Variants in EPB41L3 observed in about 807,000 individuals in gnomAD.
EPB41L3 encodes the protein erythrocyte membrane protein band 4.1 like 3.
EPB41L3 carries 57 observed loss-of-function variants against 127.1 expected under a neutral mutation model. The ratio of observed to expected loss-of-function variants is 0.45; its 90% CI spans 0.36 to 0.56. The LOEUF (loss-of-function observed/expected upper bound fraction) is 0.56, where lower values mean the gene tolerates loss of function less well. Among genes scored for constraint, EPB41L3 ranks in the 20% least tolerant of loss-of-function variants. The pLI is 0.00. For missense variants in EPB41L3, 1,273 were observed against 1,372.2 expected (o/e 0.93, Z 1.14); for synonymous variants, 572 against 549.5 (o/e 1.04, Z -0.57).
intron 3 of EPB41L3, among the ~76,000 whole-genome samples, chr18:5,592,226 G>A (rs1402520112): frequency 6.6e-6 from 1 of 152,140 alleles, no homozygotes; most frequent in Non-Finnish European, 1.5e-5. Flanking sequence ...GAGTGCAGTG[G>A]CATGATCTTG....
chr18:5,402,677 G>C (rs886881317), intron 16 of EPB41L3, among the ~76,000 whole-genome samples: 16 of 152,060 alleles, frequency 1.1e-4, no homozygotes, highest in Admixed American at 1.0e-3. Context: ...TAAAGAAAAG[G>C]TGATCTAAAA....
At chr18:5,443,180 G>A (rs1295392398) in intron 5 of EPB41L3, among the ~76,000 whole-genome samples, 1 of 152,074 alleles carries the variant, frequency 6.6e-6, no homozygotes, top group Non-Finnish European at 1.5e-5. Flanking sequence ...ATTGACAATT[G>A]CCCTCTGAAA....
At chr18:5,591,431 G>C (rs2094485040) in intron 3 of EPB41L3, among the ~76,000 whole-genome samples, 1 of 152,144 alleles carries the variant, frequency 6.6e-6, no homozygotes, top group Non-Finnish European at 1.5e-5. Flanking sequence ...CAAGGGGTGA[G>C]GGGGTTCCCT....
At chr18:5,600,334 A>G (rs937294068) in intron 3 of EPB41L3, among the ~76,000 whole-genome samples, 28 of 152,352 alleles carry the variant, frequency 1.8e-4, no homozygotes, top group Admixed American at 1.4e-3. Context: ...ATTTGGACAC[A>G]TAAGAGATGT....
chr18:5,595,034 C>T (rs184296387), intron 3 of EPB41L3, among the ~76,000 whole-genome samples: 101 of 152,228 alleles, frequency 6.6e-4, no homozygotes, highest in African/African-American at 2.4e-3. Flanking sequence ...GCAATGTATT[C>T]ATTGTTAGAT....
chr18:5,394,872 T>A, intron 21 of EPB41L3, 79 bp from the exon 22 acceptor site: 1 of 1,356,104 alleles, frequency 7.4e-7, no homozygotes, highest in Non-Finnish European at 1.0e-6. Flanking sequence ...TGGAGACTTA[T>A]GAGCTAGATC....
At chr18:5,571,852 T>G (rs1316465061) in intron 3 of EPB41L3, among the ~76,000 whole-genome samples, 1 of 152,194 alleles carries the variant, frequency 6.6e-6, no homozygotes, top group Non-Finnish European at 1.5e-5. Context: ...AGACTCTGGG[T>G]TGGATAATTC....
chr18:5,517,962 G>C (rs1006477979), intron 1 of EPB41L3, among the ~76,000 whole-genome samples: 10 of 152,120 alleles, frequency 6.6e-5, no homozygotes, highest in Non-Finnish European at 1.5e-4. Flanking sequence ...CTCAGTCTTT[G>C]AAGAGCTTAA....
In EPB41L3 at chr18:5,488,582, G is replaced by GATAATAATAATAATAATAATA. The variant is rs765331687; in HGVS notation, c.183+398_183+418dup. Among the ~76,000 whole-genome samples the GATAATAATAATAATAATAATA allele has an allele frequency of 6.0e-5, 9 of 148,928 alleles. No homozygotes were observed. In the South Asian group the frequency reaches 6.5e-4, roughly 11 times the overall value. On this transcript the variant is annotated intron_variant, in intron 2 of 22. Coordinates refer to ENST00000341928, the MANE Select transcript of EPB41L3 (RefSeq NM_012307.5). ...GTATAATAATAATGATGATGATGAT[G>GATAATAATAATAATAATAATA]ATAATAATAATAATAATAATAATAA...
chr18:5,411,972 T>G (rs1027725810), intron 13 of EPB41L3, among the ~76,000 whole-genome samples: 1 of 152,184 alleles, frequency 6.6e-6, no homozygotes, highest in African/African-American at 2.4e-5. Flanking sequence ...GGAAAGCGTG[T>G]TGACCCATTT....
chr18:5,604,917 C>T (rs1245671481), intron 3 of EPB41L3, among the ~76,000 whole-genome samples: 1 of 152,114 alleles, frequency 6.6e-6, no homozygotes, highest in Non-Finnish European at 1.5e-5. Context: ...CTCCCAGATC[C>T]CCTTACAGGA....
intron 1 of EPB41L3, among the ~76,000 whole-genome samples, chr18:5,513,779 T>G (rs2092641831): frequency 6.6e-6 from 1 of 152,226 alleles, no homozygotes; most frequent in Admixed American, 6.5e-5. Context: ...TGGCATATCT[T>G]AAGTACTCAG....
intron 1 of EPB41L3, among the ~76,000 whole-genome samples, chr18:5,619,709 T>C (rs2094838934): frequency 2.0e-5 from 3 of 152,248 alleles, no homozygotes. Context: ...TTAAGATATG[T>C]ACTATACTTC....
intron 3 of EPB41L3, among the ~76,000 whole-genome samples, chr18:5,549,768 C>G (rs2149133327): frequency 6.6e-6 from 1 of 152,228 alleles, no homozygotes; most frequent in East Asian, 1.9e-4. Context: ...AACCATTGAT[C>G]TAGGCGACCA....
intron 3 of EPB41L3, among the ~76,000 whole-genome samples, chr18:5,597,552 T>C (rs2094548945): frequency 6.6e-6 from 1 of 152,216 alleles, no homozygotes; most frequent in Non-Finnish European, 1.5e-5. Flanking sequence ...TTATTCATTA[T>C]ACATTAAACA....
chr18:5,620,085 C>T (rs1957182275), intron 1 of EPB41L3, among the ~76,000 whole-genome samples: 1 of 151,924 alleles, frequency 6.6e-6, no homozygotes, highest in Non-Finnish European at 1.5e-5. Flanking sequence ...TTTCAACAAC[C>T]CTGAGCTAAG....
chr18:5,630,462 G>A (rs982506741), upstream of EPB41L3: 1 of 518,954 alleles, frequency 1.9e-6, no homozygotes, highest in East Asian at 5.5e-5. Flanking sequence ...AAAAAAAGTA[G>A]CGCAAGGGCA....
chr18:5,470,729 G>GT (rs1330549745), intron 3 of EPB41L3, among the ~76,000 whole-genome samples: 3 of 152,228 alleles, frequency 2.0e-5, no homozygotes, highest in African/African-American at 7.2e-5. Flanking sequence ...AGCTAAAGGT[G>GT]TACCTGATAG....
chr18:5,610,071 G>A (rs1305756247), intron 3 of EPB41L3: 5 of 982,588 alleles, frequency 5.1e-6, no homozygotes, highest in African/African-American at 3.5e-5. Context: ...CCCATCAAAC[G>A]ATTCATCTGA....
Sources: allele counts gnomAD v4.1 joint callset (sites outside exome capture counted in the v4.1 genomes callset), GRCh38; gene constraint gnomAD v4.1.1; transcripts MANE v1.5; gene names NCBI Gene and HGNC (gene_info 2026-07-23, HGNC 2026-07-21).